TSHZ2: variants seen among roughly 807,000 people sequenced by gnomAD.
TSHZ2 encodes the protein teashirt zinc finger homeobox 2.
Under a neutral mutation model 74.4 loss-of-function variants are expected in TSHZ2, and 21 were observed. The ratio of observed to expected loss-of-function variants is 0.28; its 90% CI spans 0.20 to 0.41. The LOEUF (loss-of-function observed/expected upper bound fraction) is 0.41, where lower values mean the gene tolerates loss of function less well. Among genes scored for constraint, TSHZ2 ranks in the 10% least tolerant of loss-of-function variants. TSHZ2 has a pLI of 1.00. For synonymous variants in TSHZ2, 540 were observed against 515.3 expected, an observed-to-expected ratio of 1.05 and a Z score of -0.65; for missense variants, 1,244 against 1,293.5, an observed-to-expected ratio of 0.96 and a Z score of 0.59.
chr20:53,008,910 TAAC>T (rs1982742042), intron 1 of TSHZ2, among the ~76,000 whole-genome samples: 3 of 150,374 alleles, frequency 2.0e-5, no homozygotes, highest in Admixed American at 6.7e-5. Context: ...AGTAAGAGAT[TAAC>T]AACAATAAAA....
chr20:53,481,393 G>A (rs1255664254), intron 2 of TSHZ2, among the ~76,000 whole-genome samples: 3 of 151,878 alleles, frequency 2.0e-5, no homozygotes, highest in Admixed American at 6.6e-5. Flanking sequence ...GCAACGTGGC[G>A]AAACCCTGTC....
intron 1 of TSHZ2, among the ~76,000 whole-genome samples, chr20:53,196,000 A>G (rs970833215): frequency 6.6e-6 from 1 of 152,132 alleles, no homozygotes; most frequent in African/African-American, 2.4e-5. Flanking sequence ...CTCGTTGGGA[A>G]GGCATAACAA....
At chr20:53,141,017 TTA>T (rs869284372) in intron 1 of TSHZ2, among the ~76,000 whole-genome samples, 1 of 102,734 alleles carries the variant, frequency 9.7e-6, no homozygotes, top group Non-Finnish European at 2.6e-5. Flanking sequence ...TGTGGAAACA[TTA>T]TTTAGCACAG....
At chr20:53,097,034 G>T (rs1986075247) in intron 1 of TSHZ2, among the ~76,000 whole-genome samples, 1 of 152,166 alleles carries the variant, frequency 6.6e-6, no homozygotes, top group Non-Finnish European at 1.5e-5. Context: ...GCAGAGGACT[G>T]TCCTGTGTGT....
chr20:53,338,135 G>A (rs1020003736), intron 2 of TSHZ2, among the ~76,000 whole-genome samples: 43 of 152,196 alleles, frequency 2.8e-4, no homozygotes, highest in Admixed American at 2.3e-3. Context: ...CTGGCCTGTC[G>A]CAGGCATTCA....
intron 1 of TSHZ2, among the ~76,000 whole-genome samples, chr20:53,035,993 T>G (rs763765403): frequency 2.0e-4 from 31 of 152,222 alleles, no homozygotes; most frequent in South Asian, 4.1e-4. Flanking sequence ...ATAAAATATG[T>G]TTATTGATCT....
In TSHZ2 at chr20:53,488,896, T is replaced by G. The variant is rs533168437; in HGVS notation, c.*1761T>G. 1.1e-5 allele frequency: 5 copies of G among 437,274 alleles called. No homozygotes were observed. The highest frequency in any genetic ancestry group is 8.1e-5 in the South Asian group (5 of 62,008). The allele number at this position is 437,274 out of a possible 1,614,324, so 27.1% of individuals were successfully genotyped here. On this transcript the variant is annotated 3_prime_UTR_variant, in exon 3 of 3. Transcript: ENST00000371497. Reference sequence around the variant, plus strand: ...GAAAGTGTTGCCCTTATGCCACATATAATAGCAAATTGCTTTTTTTATGGC... The same window carrying G: ...GAAAGTGTTGCCCTTATGCCACATAGAATAGCAAATTGCTTTTTTTATGGC...
chr20:53,451,514 C>G, intron 2 of TSHZ2, among the ~76,000 whole-genome samples: 1 of 152,182 alleles, frequency 6.6e-6, no homozygotes, highest in Non-Finnish European at 1.5e-5. Context: ...GCCTCAGGAC[C>G]AGATATTTTG....
At chr20:53,340,981 A>G (rs73911300) in intron 2 of TSHZ2, among the ~76,000 whole-genome samples, 2,687 of 152,172 alleles carry the variant, frequency 0.018, 79 homozygotes, top group African/African-American at 0.062. Flanking sequence ...TGTGCTTGCC[A>G]TTGTCATTTT....
At chr20:53,398,657 G>A (rs1308546243) in intron 2 of TSHZ2, 1 of 152,226 alleles carries the variant, frequency 6.6e-6, no homozygotes, top group East Asian at 1.9e-4. Context: ...GGAGGCTGAG[G>A]TGGGAGGATC....
intron 2 of TSHZ2, among the ~76,000 whole-genome samples, chr20:53,291,187 G>T (rs1991270626): frequency 1.3e-5 from 2 of 152,104 alleles, no homozygotes; most frequent in African/African-American, 4.8e-5. Context: ...AATATCAAGA[G>T]CAGGCTGGGA....
chr20:53,342,168 C>T (rs567993181), intron 2 of TSHZ2, among the ~76,000 whole-genome samples: 37 of 152,268 alleles, frequency 2.4e-4, no homozygotes, highest in African/African-American at 8.4e-4. Context: ...AACCAAAATC[C>T]ATACTCTATT....
intron 2 of TSHZ2, among the ~76,000 whole-genome samples, chr20:53,387,411 C>T (rs1044438633): frequency 6.6e-6 from 1 of 152,168 alleles, no homozygotes; most frequent in African/African-American, 2.4e-5. Context: ...AGATGGTTTC[C>T]ACCATGTACT....
chr20:53,302,722 C>T (rs1388051033), intron 2 of TSHZ2, among the ~76,000 whole-genome samples: 3 of 152,202 alleles, frequency 2.0e-5, no homozygotes, highest in South Asian at 4.1e-4. Context: ...AGACACCTTC[C>T]TTTAGTCTCA....
At chr20:53,176,690 CTTT>C (rs1205063066) in intron 1 of TSHZ2, among the ~76,000 whole-genome samples, 8 of 137,392 alleles carry the variant, frequency 5.8e-5, no homozygotes, top group Non-Finnish European at 6.3e-5. Flanking sequence ...TTGTTTCTTT[CTTT>C]TTTTTTTTTT....
intron 2 of TSHZ2, among the ~76,000 whole-genome samples, chr20:53,307,720 A>G (rs760425515): frequency 6.6e-6 from 1 of 152,190 alleles, no homozygotes; most frequent in Non-Finnish European, 1.5e-5. Flanking sequence ...CACCCATTTA[A>G]CCACCCGCCA....
intron 1 of TSHZ2, among the ~76,000 whole-genome samples, chr20:53,044,871 G>A (rs961521429): frequency 8.5e-5 from 13 of 152,082 alleles, no homozygotes; most frequent in African/African-American, 2.4e-4. Context: ...CACCATGCCC[G>A]GCTAATTTTT....
At chr20:53,098,026 G>A (rs1021383670) in intron 1 of TSHZ2, 3 of 152,228 alleles carry the variant, frequency 2.0e-5, no homozygotes, top group African/African-American at 7.2e-5. Context: ...GTTTTCCTAT[G>A]TTTGCCTGAC....
chr20:53,231,129 C>T (rs1445081396), intron 1 of TSHZ2, among the ~76,000 whole-genome samples: 1 of 152,142 alleles, frequency 6.6e-6, no homozygotes, highest in Non-Finnish European at 1.5e-5. Context: ...GTTGAAGAAG[C>T]TTATTTTCTG....
Sources: allele counts gnomAD v4.1 joint callset (sites outside exome capture counted in the v4.1 genomes callset), GRCh38; gene constraint gnomAD v4.1.1; transcripts MANE v1.5; gene names NCBI Gene and HGNC (gene_info 2026-07-23, HGNC 2026-07-21).